The following NCAM1 variants were observed in gnomAD, a reference collection of about 807,000 sequenced individuals.
NCAM1 encodes neural cell adhesion molecule 1, also known as antigen recognized by monoclonal antibody 5.1H11.
NCAM1 carries 14 observed loss-of-function variants against 109.8 expected under a neutral mutation model. That is an observed-to-expected ratio of 0.13 (90% CI 0.08 to 0.20). The LOEUF (loss-of-function observed/expected upper bound fraction) is 0.20, where lower values mean the gene tolerates loss of function less well. Ranked by LOEUF, NCAM1 falls within the 10% of genes least tolerant of loss-of-function variation. The pLI, the probability that NCAM1 is intolerant of heterozygous loss-of-function variation, is 1.00. For synonymous variants in NCAM1, 418 were observed against 442.9 expected (o/e 0.94, Z 0.70); for missense variants, 774 against 1,109.9 (o/e 0.70, Z 4.30).
intron 16 of NCAM1, among the ~76,000 whole-genome samples, chr11:113,257,873 T>C (rs1945871656): frequency 6.6e-6 from 1 of 152,248 alleles, no homozygotes; most frequent in Admixed American, 6.5e-5. Context: ...TAGTGATATA[T>C]ACACATCCTA....
At chr11:113,117,674 A>G (rs926739825) in intron 1 of NCAM1, among the ~76,000 whole-genome samples, 1 of 152,074 alleles carries the variant, frequency 6.6e-6, no homozygotes, top group East Asian at 1.9e-4. Flanking sequence ...GAGAATTTAA[A>G]TTGGCAAAAC....
At chr11:113,144,273 T>C (rs575891860) in intron 1 of NCAM1, among the ~76,000 whole-genome samples, 2 of 152,326 alleles carry the variant, frequency 1.3e-5, no homozygotes, top group South Asian at 2.1e-4. Flanking sequence ...TGATTATAAC[T>C]GGTCTTTGTC....
chr11:113,144,370 A>T (rs1289645402), intron 1 of NCAM1, among the ~76,000 whole-genome samples: 1 of 152,206 alleles, frequency 6.6e-6, no homozygotes, highest in Non-Finnish European at 1.5e-5. Context: ...TATATGAAGC[A>T]TATGATTTTG....
rs782098108 is a variant in NCAM1 at position 113,099,915 on chromosome 11, C to T, written c.53-102464C>T. Among the ~76,000 whole-genome samples the T allele has an allele frequency of 1.4e-4, 21 of 152,170 alleles. 1 individual carries two copies. Among genetic ancestry groups the T allele is most frequent in the Non-Finnish European group, 2.5e-4 (17 of 68,024 alleles). On this transcript the variant is annotated intron_variant, in intron 1 of 19. Coordinates refer to ENST00000316851, the MANE Select transcript of NCAM1 (RefSeq NM_181351.5). The stretch of plus-strand genomic sequence containing the variant: ...TATTGGCCAGGCTGTTCTCAAACTC[C>T]TGACCTCGTGATCTGCCCGCCTCGG...
intron 1 of NCAM1, chr11:113,003,806 C>CG (rs1951818372): frequency 6.6e-6 from 1 of 152,188 alleles, no homozygotes. Context: ...TTGCAATGAT[C>CG]GGGGAAGGGG....
rs1210904280 is a variant in NCAM1 at position 113,274,568 on chromosome 11, C to T, written c.2457-699C>T. ...GCCACCATGGGCTGCAAGGGGCTCT[C>T]GCCAGGAGCCCTGAATCTCAGCATC... On this transcript the variant is annotated intron_variant, in intron 19 of 19. Transcript: ENST00000316851. The surrounding 1 kb of genome is among the most constrained non-coding windows in gnomAD (Gnocchi z 4.1). Among the ~76,000 whole-genome samples, 1 of 152,190 alleles carries T rather than the reference C, an allele frequency of 6.6e-6. No homozygotes were observed. The highest frequency in any genetic ancestry group is 1.5e-5 in the Non-Finnish European group (1 of 68,042).
At chr11:112,966,653 G>A (rs782692092) in intron 1 of NCAM1, among the ~76,000 whole-genome samples, 11 of 152,334 alleles carry the variant, frequency 7.2e-5, no homozygotes, top group South Asian at 2.1e-4. Context: ...ATTATTTGGC[G>A]TTGGCAGTGG....
intron 1 of NCAM1, among the ~76,000 whole-genome samples, chr11:113,145,391 C>T (rs1177833738): frequency 6.6e-6 from 1 of 152,212 alleles, no homozygotes; most frequent in Non-Finnish European, 1.5e-5. Context: ...TACCCATTCA[C>T]TACATTATAT....
intron 9 of NCAM1, among the ~76,000 whole-genome samples, chr11:113,225,431 G>A (rs968036870): frequency 2.0e-5 from 3 of 152,234 alleles, no homozygotes; most frequent in Non-Finnish European, 4.4e-5. Flanking sequence ...ATGGGACTAT[G>A]TGAAAAGACC....
intron 1 of NCAM1, among the ~76,000 whole-genome samples, chr11:113,052,220 C>T (rs188505999): frequency 2.4e-4 from 36 of 152,206 alleles, no homozygotes; most frequent in Middle Eastern, 3.4e-3. Context: ...TGCTGCAAGT[C>T]GAGTCAATAA....
At chr11:113,169,927 T>G (rs960188171) in intron 1 of NCAM1, among the ~76,000 whole-genome samples, 6 of 152,166 alleles carry the variant, frequency 3.9e-5, no homozygotes, top group Non-Finnish European at 8.8e-5. Context: ...TTCATTTGTT[T>G]GTTTGACTGA....
At chr11:113,232,456 T>A (rs1159914845) in intron 11 of NCAM1, 102 bp downstream of exon 11, 1 of 1,247,934 alleles carries the variant, frequency 8.0e-7, no homozygotes, top group African/African-American at 1.5e-5. Flanking sequence ...CTCTGGCACA[T>A]CCTGAGCAGG....
chr11:113,160,516 C>T (rs1702573953), intron 1 of NCAM1, among the ~76,000 whole-genome samples: 1 of 152,156 alleles, frequency 6.6e-6, no homozygotes. Context: ...GAATCAGACA[C>T]AACCCATGTT....
chr11:113,109,743 CT>C (rs1229765449), intron 1 of NCAM1, among the ~76,000 whole-genome samples: 1 of 152,116 alleles, frequency 6.6e-6, no homozygotes, highest in Non-Finnish European at 1.5e-5. Flanking sequence ...GAAAAAGTGA[CT>C]TTTGTGCTGC....
chr11:113,123,522 C>T (rs574308373), intron 1 of NCAM1, among the ~76,000 whole-genome samples: 57 of 152,248 alleles, frequency 3.7e-4, no homozygotes, highest in African/African-American at 1.2e-3. Flanking sequence ...TAGGGTGGGG[C>T]GGAGATAGTG....
intron 1 of NCAM1, among the ~76,000 whole-genome samples, chr11:113,010,220 C>A (rs1398113980): frequency 1.3e-5 from 2 of 152,102 alleles, no homozygotes; most frequent in African/African-American, 4.8e-5. Context: ...TAATTGCAGA[C>A]CCTTTTTATA....
At chr11:113,170,714 AAC>A (rs1289058588) in intron 1 of NCAM1, among the ~76,000 whole-genome samples, 1 of 152,012 alleles carries the variant, frequency 6.6e-6, no homozygotes, top group Non-Finnish European at 1.5e-5. Context: ...TTGGTTATTA[AAC>A]AGTGGGCCTA....
At chr11:113,272,168 G>A (rs886412832) in intron 19 of NCAM1, among the ~76,000 whole-genome samples, 1 of 152,168 alleles carries the variant, frequency 6.6e-6, no homozygotes, top group Non-Finnish European at 1.5e-5. Flanking sequence ...AATGGCTTAA[G>A]GTGGCAAAAT....
At chr11:113,062,379 C>A (rs782504793) in intron 1 of NCAM1, among the ~76,000 whole-genome samples, 1 of 152,030 alleles carries the variant, frequency 6.6e-6, no homozygotes, top group African/African-American at 2.4e-5. Context: ...CTTTTTTCAG[C>A]GAGCATAATG....
Sources: allele counts gnomAD v4.1 joint callset (sites outside exome capture counted in the v4.1 genomes callset), GRCh38; gene constraint gnomAD v4.1.1; non-coding constraint Gnocchi (gnomAD v3.1); transcripts MANE v1.5; gene names NCBI Gene and HGNC (gene_info 2026-07-23, HGNC 2026-07-21).